The following FHIT variants were observed in gnomAD, a reference collection of about 807,000 sequenced individuals.
FHIT encodes bis(5'-adenosyl)-triphosphatase.
A neutral mutation model predicts 17.9 loss-of-function variants in FHIT; 19 were observed. That is an observed-to-expected ratio of 1.06 (90% confidence interval 0.74 to 1.56). FHIT has a LOEUF of 1.56. Ranked by LOEUF, FHIT falls within the 40% of genes most tolerant of loss-of-function variation. The pLI, the probability that FHIT is intolerant of heterozygous loss-of-function variation, is 0.00. For synonymous variants in FHIT, 81 were observed against 69.7 expected (o/e 1.16, Z -0.81); for missense variants, 248 against 189.2 (o/e 1.31, Z -1.82).
intron 3 of FHIT, among the ~76,000 whole-genome samples, chr3:60,930,696 A>C (rs1267898882): frequency 4.6e-5 from 7 of 152,234 alleles, no homozygotes; most frequent in African/African-American, 1.2e-4. Context: ...AATGGCGATC[A>C]TTAAAAAGTC....
At chr3:59,930,018 T>C (rs1705889199) in intron 7 of FHIT, among the ~76,000 whole-genome samples, 1 of 152,056 alleles carries the variant, frequency 6.6e-6, no homozygotes, top group South Asian at 2.1e-4. Context: ...ATCAAGTGAG[T>C]TATTATTTCA....
At chr3:60,033,732 T>C (rs766451381) in intron 5 of FHIT, among the ~76,000 whole-genome samples, 2 of 152,232 alleles carry the variant, frequency 1.3e-5, no homozygotes, top group Non-Finnish European at 2.9e-5. Context: ...GGCCATCCTT[T>C]GTATTGTTTT....
At chr3:59,901,787 C>T (rs1489746013) in intron 8 of FHIT, among the ~76,000 whole-genome samples, 2 of 151,934 alleles carry the variant, frequency 1.3e-5, no homozygotes, top group Non-Finnish European at 2.9e-5. Context: ...AGTTATATAC[C>T]CTAGAGAAAT....
rs79634378 is a variant in FHIT, at chr3:59,928,311, C to G, written c.280-5897G>C. Among the ~76,000 whole-genome samples, 13 of 152,330 alleles carry G rather than the reference C, an allele frequency of 8.5e-5. No homozygotes were observed. The East Asian group carries it at 2.1e-3, about 25-fold the overall frequency. ...CAAATGAATTAAGGTTATTAAGCAG[C>G]TGACCTTAAGATTGGCAGAGGTATC... On this transcript the variant is annotated intron_variant, in intron 7 of 9. Transcript: ENST00000492590.
At chr3:60,082,795 T>C (rs1231392475) in intron 5 of FHIT, among the ~76,000 whole-genome samples, 2 of 152,134 alleles carry the variant, frequency 1.3e-5, no homozygotes, top group African/African-American at 4.8e-5. Flanking sequence ...TCTGTTCATG[T>C]ATTTTGTCCA....
intron 8 of FHIT, among the ~76,000 whole-genome samples, chr3:59,755,072 A>C (rs1315400564): frequency 6.6e-6 from 1 of 152,196 alleles, no homozygotes; most frequent in Non-Finnish European, 1.5e-5. Flanking sequence ...TTTTGGGAGA[A>C]GTGTGTAGAT....
chr3:59,806,720 A>ATG (rs1360689486), intron 8 of FHIT, among the ~76,000 whole-genome samples: 15 of 13,022 alleles, frequency 1.2e-3, no homozygotes, highest in African/African-American at 3.3e-3. Context: ...ATACATATGT[A>ATG]TATACATATA....
intron 2 of FHIT, among the ~76,000 whole-genome samples, chr3:61,066,560 A>AG: frequency 1.3e-5 from 2 of 152,330 alleles, no homozygotes; most frequent in African/African-American, 4.8e-5. Flanking sequence ...GGTTGCAGTG[A>AG]GCAGAGATTG....
intron 3 of FHIT, among the ~76,000 whole-genome samples, chr3:60,967,553 G>T (rs1414420917): frequency 6.6e-6 from 1 of 152,182 alleles, no homozygotes; most frequent in Non-Finnish European, 1.5e-5. Flanking sequence ...AGTGTCAATG[G>T]TTACTGCTGA....
chr3:59,755,839 A>AAAACAAAAC (rs60658839), intron 8 of FHIT, among the ~76,000 whole-genome samples: 1 of 152,064 alleles, frequency 6.6e-6, no homozygotes, highest in African/African-American at 2.4e-5. Flanking sequence ...AACGTTATGA[A>AAAACAAAAC]AAACAGTGAT....
chr3:60,082,846 G>A (rs1003493057), intron 5 of FHIT, among the ~76,000 whole-genome samples: 1 of 152,104 alleles, frequency 6.6e-6, no homozygotes. Context: ...AATTGTTGAA[G>A]TTCCATATAG....
chr3:60,476,446 A>C (rs2033347908), intron 5 of FHIT, among the ~76,000 whole-genome samples: 1 of 152,216 alleles, frequency 6.6e-6, no homozygotes, highest in Admixed American at 6.5e-5. Flanking sequence ...AAGGGGAGTG[A>C]GACTACTGCA....
At chr3:60,277,305 A>G (rs935092898) in intron 5 of FHIT, among the ~76,000 whole-genome samples, 3 of 152,118 alleles carry the variant, frequency 2.0e-5, no homozygotes, top group Admixed American at 6.5e-5. Context: ...GTCCTCCGTA[A>G]GGTTTTCCTT....
intron 5 of FHIT, among the ~76,000 whole-genome samples, chr3:60,154,058 G>C (rs1157059917): frequency 6.6e-6 from 1 of 152,204 alleles, no homozygotes; most frequent in African/African-American, 2.4e-5. Flanking sequence ...CACCTTCTTT[G>C]TTTAGGGTGG....
chr3:60,638,544 G>A (rs1034927480), intron 4 of FHIT, among the ~76,000 whole-genome samples: 14 of 152,092 alleles, frequency 9.2e-5, no homozygotes, highest in African/African-American at 2.7e-4. Flanking sequence ...TGTTCAGGTC[G>A]TGTACCAGAT....
At chr3:61,170,000 G>A (rs1392213408) in intron 2 of FHIT, among the ~76,000 whole-genome samples, 5 of 152,120 alleles carry the variant, frequency 3.3e-5, no homozygotes, top group South Asian at 4.2e-4. Context: ...TAGACATCAC[G>A]GTGACCAGCT....
At chr3:60,782,529 C>T (rs782810529) in intron 4 of FHIT, among the ~76,000 whole-genome samples, 1 of 152,138 alleles carries the variant, frequency 6.6e-6, no homozygotes, top group African/African-American at 2.4e-5. Flanking sequence ...ATCCCTGACA[C>T]ACTCTCTCTA....
intron 8 of FHIT, among the ~76,000 whole-genome samples, chr3:59,753,149 A>G (rs1004039091): frequency 6.6e-6 from 1 of 152,238 alleles, no homozygotes; most frequent in East Asian, 1.9e-4. Flanking sequence ...ACTCTCTTGC[A>G]TGAGCTCTGA....
chr3:60,589,856 A>G (rs1559562261), intron 4 of FHIT, among the ~76,000 whole-genome samples: 2 of 152,110 alleles, frequency 1.3e-5, no homozygotes, highest in African/African-American at 4.8e-5. Flanking sequence ...CTTGGCAGCT[A>G]TATTTCTCCT....
Sources: allele counts gnomAD v4.1 joint callset (sites outside exome capture counted in the v4.1 genomes callset), GRCh38; gene constraint gnomAD v4.1.1; transcripts MANE v1.5; gene names NCBI Gene and HGNC (gene_info 2026-07-23, HGNC 2026-07-21).